Variants in ARHGAP10 observed in about 807,000 individuals in gnomAD.
ARHGAP10 encodes the protein rho GTPase-activating protein 10.
A neutral mutation model predicts 108.6 loss-of-function variants in ARHGAP10; 87 were observed. The ratio of observed to expected loss-of-function variants is 0.80; its 90% CI spans 0.67 to 0.96. The LOEUF (loss-of-function observed/expected upper bound fraction) is 0.96. ARHGAP10 is among the 40% of genes least tolerant of loss of function. The pLI is 0.00. For synonymous variants in ARHGAP10, 347 were observed against 341.1 expected, an observed-to-expected ratio of 1.02 and a Z score of -0.19; for missense variants, 939 against 954.5, an observed-to-expected ratio of 0.98 and a Z score of 0.21.
intron 13 of ARHGAP10, among the ~76,000 whole-genome samples, chr4:147,935,910 A>G (rs1737912127): frequency 6.6e-6 from 1 of 152,218 alleles, no homozygotes; most frequent in Non-Finnish European, 1.5e-5. Flanking sequence ...ATGCATTAGC[A>G]ATTACTTCTC....
chr4:148,010,971 G>C (rs1477226925), intron 18 of ARHGAP10, among the ~76,000 whole-genome samples: 1 of 152,176 alleles, frequency 6.6e-6, no homozygotes, highest in African/African-American at 2.4e-5. Context: ...ACTTAGAATA[G>C]TTTCTCAGAC....
At chr4:147,874,154 C>T (rs1476202875) in intron 7 of ARHGAP10, among the ~76,000 whole-genome samples, 3 of 152,096 alleles carry the variant, frequency 2.0e-5, no homozygotes, top group Non-Finnish European at 4.4e-5. Context: ...CCTTGGCAGC[C>T]CCTTTTATTG....
At chr4:147,872,722 C>T (rs921981799) in intron 7 of ARHGAP10, among the ~76,000 whole-genome samples, 1 of 152,182 alleles carries the variant, frequency 6.6e-6, no homozygotes, top group African/African-American at 2.4e-5. Context: ...TTACAAAAAT[C>T]ATCAGGAAGA....
At chr4:147,965,239 T>G (rs911377056) in intron 17 of ARHGAP10, 110 bp downstream of exon 17, 1 of 681,084 alleles carries the variant, frequency 1.5e-6, no homozygotes, top group East Asian at 3.0e-5. Context: ...AAGGGCAGGC[T>G]GAACGTTTGA....
In ARHGAP10 at chr4:147,906,812, G is replaced by A. The variant is rs946325277; in HGVS notation, c.1116+93G>A. 1.1e-5 allele frequency: 17 copies of A among 1,490,882 alleles called. No individual in the cohort carries two copies. In the Admixed American group the frequency reaches 2.6e-4, roughly 23 times the overall value. 92.4% of individuals were successfully genotyped at this position (1,490,882 alleles called of 1,614,324 possible). The stretch of plus-strand genomic sequence containing the variant: ...TATTTTTGTGTAGTATTTGAGAAAA[G>A]TTCCCTTCTATAACAGGTATTCCAA... On this transcript the variant is annotated intron_variant, in intron 11 of 22. Transcript: ENST00000336498.
At chr4:147,989,554 C>T (rs540756500) in intron 18 of ARHGAP10, among the ~76,000 whole-genome samples, 25 of 152,256 alleles carry the variant, frequency 1.6e-4, no homozygotes, top group African/African-American at 4.8e-4. Context: ...TTCTCAGGGA[C>T]GTTCCATGCT....
At chr4:147,955,636 G>C (rs1738762543) in intron 16 of ARHGAP10, among the ~76,000 whole-genome samples, 2 of 152,048 alleles carry the variant, frequency 1.3e-5, no homozygotes, top group African/African-American at 4.8e-5. Flanking sequence ...TGTCCCATGA[G>C]ACAATTCTAT....
At chr4:148,007,043 AG>A (rs1468877505) in intron 18 of ARHGAP10, among the ~76,000 whole-genome samples, 2 of 152,216 alleles carry the variant, frequency 1.3e-5, no homozygotes, top group Non-Finnish European at 2.9e-5. Context: ...AATTGCCTGT[AG>A]GTGCGGTGGG....
intron 10 of ARHGAP10, among the ~76,000 whole-genome samples, chr4:147,888,342 TG>T (rs1307795435): frequency 1.3e-5 from 2 of 152,184 alleles, no homozygotes; most frequent in East Asian, 3.8e-4. Context: ...GTATTGCTTC[TG>T]GGGTGTCTAA....
At chr4:147,843,038 T>C (rs1359113354) in intron 3 of ARHGAP10, among the ~76,000 whole-genome samples, 2 of 152,188 alleles carry the variant, frequency 1.3e-5, no homozygotes, top group African/African-American at 4.8e-5. Context: ...TGTTTTGTAC[T>C]TTATGGAAAA....
chr4:147,909,651 T>C, intron 11 of ARHGAP10, 81 bp from the exon 12 acceptor site: 3 of 1,168,802 alleles, frequency 2.6e-6, no homozygotes, highest in Admixed American at 2.3e-5. Flanking sequence ...TATTTTTTTT[T>C]GTATGGTCCT....
intron 1 of ARHGAP10, among the ~76,000 whole-genome samples, chr4:147,791,372 G>A (rs566164232): frequency 4.0e-5 from 6 of 151,698 alleles, no homozygotes; most frequent in African/African-American, 1.2e-4. Flanking sequence ...TCAGCCTCCC[G>A]AAGTGCTGAG....
At chr4:147,909,625 C>A in intron 11 of ARHGAP10, 107 bp from the exon 12 acceptor site, 3 of 933,170 alleles carry the variant, frequency 3.2e-6, no homozygotes, top group Non-Finnish European at 4.9e-6. Flanking sequence ...TAACCAGAAT[C>A]AAGCTTATAA....
At chr4:148,028,967 A>G (rs1728003322) in intron 19 of ARHGAP10, among the ~76,000 whole-genome samples, 1 of 152,220 alleles carries the variant, frequency 6.6e-6, no homozygotes, top group South Asian at 2.1e-4. Flanking sequence ...CTTGCAGCTT[A>G]AAAACAGACC....
At chr4:147,784,031 CATTAA>C (rs1730693480) in intron 1 of ARHGAP10, among the ~76,000 whole-genome samples, 1 of 136,194 alleles carries the variant, frequency 7.3e-6, no homozygotes, top group Non-Finnish European at 1.5e-5. Flanking sequence ...ATATAACACA[CATTAA>C]ATTATATATT....
chr4:147,859,098 G>A (rs1734212374), intron 5 of ARHGAP10, among the ~76,000 whole-genome samples: 1 of 152,074 alleles, frequency 6.6e-6, no homozygotes, highest in Non-Finnish European at 1.5e-5. Flanking sequence ...TATACTCAGG[G>A]CCGTTGTATT....
rs897583435 is a variant in ARHGAP10, at chr4:147,781,676, CTTTTCTTTTT to C, written c.155-41046_155-41037del. ...CAGTTTTCTTTCATTTTTTTCTTTTCTTTTCTTTTTTTTTTTTTTTTGAGACAGTCTTGCT... is the reference window on the plus strand; with the variant it reads ...CAGTTTTCTTTCATTTTTTTCTTTTCTTTTTTTTTTTGAGACAGTCTTGCT... On this transcript the variant is annotated intron_variant, in intron 1 of 22. Transcript: ENST00000336498. Among the ~76,000 whole-genome samples, 17 of 137,508 alleles carry C rather than the reference CTTTTCTTTTT, an allele frequency of 1.2e-4. No homozygotes were observed. The East Asian group carries it at 2.2e-3, about 18-fold the overall frequency. The allele number at this position is 137,508 out of a possible 152,430, so 90.2% of individuals were successfully genotyped here.
At chr4:147,797,829 C>T (rs1731380443) in intron 1 of ARHGAP10, among the ~76,000 whole-genome samples, 1 of 152,180 alleles carries the variant, frequency 6.6e-6, no homozygotes, top group Admixed American at 6.5e-5. Flanking sequence ...TAATTGTGCC[C>T]TCTGCTATGT....
At chr4:148,039,010 A>T (rs1280074845) in intron 19 of ARHGAP10, among the ~76,000 whole-genome samples, 1 of 152,160 alleles carries the variant, frequency 6.6e-6, no homozygotes, top group African/African-American at 2.4e-5. Context: ...AATAAGACAA[A>T]TAATTTAATG....
Sources: gnomAD v4.1 joint callset for allele counts (sites outside exome capture counted in the v4.1 genomes callset) on GRCh38, gnomAD v4.1.1 for gene constraint, MANE v1.5 for transcripts, NCBI Gene and HGNC (gene_info 2026-07-23, HGNC 2026-07-21) for gene names.